OR4K1: variants seen among roughly 807,000 people sequenced by gnomAD.
The protein encoded by OR4K1 is olfactory receptor family 4 subfamily K member 1, also known as olfactory receptor 4K1.
OR4K1 carries 16 observed loss-of-function variants against 14.4 expected under a neutral mutation model. The ratio of observed to expected loss-of-function variants is 1.11; its 90% CI spans 0.75 to 1.68. The LOEUF is 1.68. Ranked by LOEUF, OR4K1 falls within the 40% of genes most tolerant of loss-of-function variation. The pLI is 0.00. For missense variants in OR4K1, 548 were observed against 376.9 expected (o/e 1.45, Z -3.76); for synonymous variants, 181 against 133.1 (o/e 1.36, Z -2.48).
At chr14:19,928,699 A>G (rs1004003583), upstream of OR4K1, among the ~76,000 whole-genome samples, 1 of 152,160 alleles carries the variant, frequency 6.6e-6, no homozygotes, top group Non-Finnish European at 1.5e-5. Flanking sequence ...AATAATTAAC[A>G]TATTTTCTCC....
At chr14:19,920,985 T>A in the OR4K1 span, 1 of 1,614,204 alleles carries the variant, frequency 6.2e-7, no homozygotes, top group Middle Eastern at 1.6e-4. Flanking sequence ...TGTAGCCATA[T>A]GCAAACCCTT....
upstream of OR4K1, among the ~76,000 whole-genome samples, chr14:19,927,380 A>G (rs1459461875): frequency 6.6e-6 from 1 of 152,266 alleles, no homozygotes; most frequent in African/African-American, 2.4e-5. Context: ...AGAATTGGTC[A>G]TAAGTAAAAA....
the OR4K1 span, chr14:19,920,565 C>G: frequency 1.3e-6 from 2 of 1,538,814 alleles, no homozygotes; most frequent in South Asian, 2.6e-5. Flanking sequence ...TCTATTTATC[C>G]TCCTTTAGAG....
chr14:19,935,406 G>C (rs892658592), intron 1 of OR4K1, among the ~76,000 whole-genome samples: 1 of 152,144 alleles, frequency 6.6e-6, no homozygotes, highest in African/African-American at 2.4e-5. Flanking sequence ...TCTTTAGTAT[G>C]TGTAGTTTTT....
At chr14:19,929,171 T>G (rs891556779), upstream of OR4K1, among the ~76,000 whole-genome samples, 3 of 151,012 alleles carry the variant, frequency 2.0e-5, no homozygotes, top group African/African-American at 7.3e-5. Flanking sequence ...AGATAGAAAT[T>G]TACTTTTTCC....
At chr14:19,921,257 C>A in the OR4K1 span, 1 of 1,614,138 alleles carries the variant, frequency 6.2e-7, no homozygotes, top group Admixed American at 1.7e-5. Context: ...TGGTCAGCTC[C>A]TACATCATTA....
At chr14:19,921,443 C>G in the OR4K1 span, 5 of 1,613,972 alleles carry the variant, frequency 3.1e-6, no homozygotes, top group African/African-American at 4.0e-5. Context: ...CTGTTTTCAC[C>G]CCCGTCCTAA....
chr14:19,934,739 C>T (rs1015050421), intron 1 of OR4K1, among the ~76,000 whole-genome samples: 7 of 151,274 alleles, frequency 4.6e-5, no homozygotes, highest in African/African-American at 7.3e-5. Context: ...GGTGTGATCT[C>T]GGCTCACTGC....
chr14:19,935,670 G>C lies in OR4K1; in HGVS notation c.4G>C (p.Ala2Pro). M[A>P]HTNESMVSEF... ...TAGGTAACTGAATATTGGATACATG[G>C]CTCACACAAATGAATCGATGGTGTC... Residue 2 changes from alanine to proline, a missense_variant, in exon 2 of 2, where the codon GCT becomes CCT. Transcript: ENST00000641172. 6.3e-7 allele frequency: 1 copy of C among 1,591,024 alleles called. No homozygotes were observed. Among genetic ancestry groups the C allele is most frequent in the Non-Finnish European group, 8.5e-7 (1 of 1,171,172 alleles).
At chr14:19,926,967 C>G (rs1882075721), upstream of OR4K1, among the ~76,000 whole-genome samples, 1 of 152,220 alleles carries the variant, frequency 6.6e-6, no homozygotes, top group African/African-American at 2.4e-5. Flanking sequence ...CATTGATTTC[C>G]AAGTGACTGC....
chr14:19,924,138 C>T, the OR4K1 span, among the ~76,000 whole-genome samples: 61 of 152,216 alleles, frequency 4.0e-4, no homozygotes, highest in Admixed American at 1.2e-3. Flanking sequence ...CGGTGGCTCA[C>T]GCCTGTAATC....
At chr14:19,934,032 C>G in intron 1 of OR4K1, among the ~76,000 whole-genome samples, 1 of 152,212 alleles carries the variant, frequency 6.6e-6, no homozygotes, top group East Asian at 1.9e-4. Flanking sequence ...ATTTGGTTTA[C>G]CATTACCTAT....
intron 1 of OR4K1, among the ~76,000 whole-genome samples, chr14:19,933,980 A>G (rs141146398): frequency 0.011 from 1,737 of 152,220 alleles, 21 homozygotes; most frequent in African/African-American, 0.04. Flanking sequence ...TCCAGGTTAA[A>G]ACTACATAAT....
the OR4K1 span, among the ~76,000 whole-genome samples, chr14:19,922,704 A>C: frequency 3.9e-5 from 6 of 152,002 alleles, no homozygotes; most frequent in Non-Finnish European, 5.9e-5. Context: ...TCATTGCATA[A>C]ATAGATTCAT....
At chr14:19,926,986 A>G (rs902175553), upstream of OR4K1, among the ~76,000 whole-genome samples, 8 of 152,256 alleles carry the variant, frequency 5.3e-5, no homozygotes, top group Non-Finnish European at 1.0e-4. Context: ...GCCTACATGA[A>G]AAGCACTGCT....
the OR4K1 span, chr14:19,921,704 A>G: frequency 1.9e-6 from 2 of 1,057,382 alleles, no homozygotes; most frequent in East Asian, 5.4e-5. Flanking sequence ...ATGAATATTA[A>G]CAAGTCTTTT....
chr14:19,928,142 G>A (rs1160202285), upstream of OR4K1, among the ~76,000 whole-genome samples: 1 of 152,204 alleles, frequency 6.6e-6, no homozygotes, highest in African/African-American at 2.4e-5. Context: ...TGTGTCACCA[G>A]TAGCTAAAAT....
chr14:19,936,287 A>T lies in OR4K1; in HGVS notation c.621A>T (p.Ser207=). Residue 207 remains serine (S), a synonymous_variant, in exon 2 of 2, where the codon TCA becomes TCT. Transcript: ENST00000641172. ...CCCTAACGAACAGTGGCCTGATATC[A>T]TTGAGCTGTTTCCTGGCTTTAATTA... is the stretch of plus-strand genomic sequence containing the variant. ...IMTLTNSGLI[S]LSCFLALIIS... 6.2e-7 allele frequency: 1 copy of T among 1,614,238 alleles called. No individual in the cohort carries two copies. The highest frequency in any genetic ancestry group is 1.3e-5 in the African/African-American group (1 of 75,062).
upstream of OR4K1, among the ~76,000 whole-genome samples, chr14:19,930,114 TCC>T (rs1168170417): frequency 6.7e-6 from 1 of 150,088 alleles, no homozygotes; most frequent in Non-Finnish European, 1.5e-5. Context: ...ATATTATATT[TCC>T]CCACTCTCAA....
Sources: allele counts gnomAD v4.1 joint callset (sites outside exome capture counted in the v4.1 genomes callset), GRCh38; gene constraint gnomAD v4.1.1; transcripts MANE v1.5; gene names NCBI Gene and HGNC (gene_info 2026-07-23, HGNC 2026-07-21).